Variants in TENT2 observed in about 807,000 individuals in gnomAD.
TENT2 encodes poly(A) RNA polymerase GLD2.
A neutral mutation model predicts 72.2 loss-of-function variants in TENT2; 44 were observed. That is an observed-to-expected ratio of 0.61 (90% confidence interval 0.48 to 0.78). TENT2 has a LOEUF of 0.78. TENT2 is among the 30% of genes least tolerant of loss of function. TENT2 has a pLI of 0.00. For synonymous variants in TENT2, 212 were observed against 192.5 expected, an observed-to-expected ratio of 1.10 and a Z score of -0.84; for missense variants, 541 against 569.6, an observed-to-expected ratio of 0.95 and a Z score of 0.51.
intron 11 of TENT2, among the ~76,000 whole-genome samples, chr5:79,657,807 A>C (rs1185181537): frequency 6.6e-6 from 1 of 152,162 alleles, no homozygotes; most frequent in African/African-American, 2.4e-5. Flanking sequence ...GAAACCACGT[A>C]ATTTTTACAT....
chr5:79,643,799 A>AT (rs891449916), intron 7 of TENT2, among the ~76,000 whole-genome samples: 10 of 151,544 alleles, frequency 6.6e-5, no homozygotes, highest in East Asian at 1.9e-4. Flanking sequence ...ATTCACATGA[A>AT]TTTTTTTTTC....
In TENT2 at chr5:79,659,531, C is replaced by CAAAA. The variant is rs1291285987; in HGVS notation, c.1071+2550_1071+2553dup. ...TCGGCGACAGAGCGAGACTCTGTCT[C>CAAAA]AAAAAAAAAAAAAAAAAAAAAAATG... On this transcript the variant is annotated intron_variant, in intron 11 of 14. Coordinates refer to ENST00000453514, the MANE Select transcript of TENT2 (RefSeq NM_001114394.3). 2.1e-3 allele frequency among the ~76,000 whole-genome samples: 19 copies of CAAAA among 8,970 alleles called. 2 individuals are homozygous for CAAAA. The highest frequency in any genetic ancestry group is 7.5e-3 in the African/African-American group (18 of 2,396). 5.9% of individuals were successfully genotyped at this position (8,970 alleles called of 152,430 possible). A position where few individuals can be genotyped will look rare whatever the true frequency, so the allele number is the denominator to read the frequency against.
chr5:79,649,088 CTGG>C lies in TENT2; in HGVS notation c.928_930del (p.Val310del). 1 of 1,613,178 alleles carries C rather than the reference CTGG, an allele frequency of 6.2e-7. No homozygotes were observed. Among genetic ancestry groups the C allele is most frequent in the Non-Finnish European group, 8.5e-7 (1 of 1,179,454 alleles). ...TGAAAATCGAGTTCGTCCGTTAGTG[CTGG>C]TGATTAAGAAGTGGGCAAGTCACCA... On this transcript the variant is annotated inframe_deletion, in exon 10 of 15. Transcript: ENST00000453514.
intron 11 of TENT2, among the ~76,000 whole-genome samples, chr5:79,660,254 C>G (rs1801754578): frequency 6.6e-6 from 1 of 151,986 alleles, no homozygotes; most frequent in Non-Finnish European, 1.5e-5. Flanking sequence ...TTACTAAATT[C>G]TTATTGACTT....
At chr5:79,668,170 G>A (rs1211514684) in intron 11 of TENT2, among the ~76,000 whole-genome samples, 1 of 152,028 alleles carries the variant, frequency 6.6e-6, no homozygotes, top group African/African-American at 2.4e-5. Flanking sequence ...AACAGAATAA[G>A]TACCCGTTAG....
At chr5:79,613,578 A>T (rs530153543) in intron 1 of TENT2, among the ~76,000 whole-genome samples, 30 of 152,348 alleles carry the variant, frequency 2.0e-4, no homozygotes, top group African/African-American at 6.7e-4. Flanking sequence ...ATTTATACTG[A>T]TTAATAGCCA....
chr5:79,634,853 ATTTT>A (rs1234067221), intron 4 of TENT2, among the ~76,000 whole-genome samples: 1 of 142,986 alleles, frequency 7.0e-6, no homozygotes, highest in African/African-American at 2.6e-5. Flanking sequence ...TGTTGGAGGG[ATTTT>A]TTTTTTTTTG....
At position 79,631,260 on chromosome 5, in the gene TENT2, G is replaced by C. The variant is rs571493491; in HGVS notation, c.465+7771G>C. Among the ~76,000 whole-genome samples, 31 of 152,290 alleles carry C rather than the reference G, an allele frequency of 2.0e-4. 2 individuals carry two copies. The South Asian group carries it at 6.4e-3, about 32-fold the overall frequency. ...AACCATTGGGTTCGATTGAGAAGAAGGTTTTGAGGATTACACTCAAGTTTC... is the reference window on the plus strand; with the variant it reads ...AACCATTGGGTTCGATTGAGAAGAACGTTTTGAGGATTACACTCAAGTTTC... On this transcript the variant is annotated intron_variant, in intron 4 of 14. Transcript: ENST00000453514.
Position 79,612,600 on chromosome 5 carries a change from G to C in TENT2, c.-513G>C, listed in dbSNP as rs771683225. On this transcript the variant is annotated 5_prime_UTR_variant, in exon 1 of 15. Transcript: ENST00000453514. ...GTTGCTCCTCCCCTGGCAGCCGTGA[G>C]GGGGGTTAGATCTCAGCCGGAGCCG... 6.5e-6 allele frequency: 1 copy of C among 153,338 alleles called. No homozygotes were observed. The highest frequency in any genetic ancestry group is 1.5e-5 in the Non-Finnish European group (1 of 68,696). The allele number at this position is 153,338 out of a possible 1,614,324, so 9.5% of individuals were successfully genotyped here.
At chr5:79,623,198 TTTG>T in intron 3 of TENT2, 51 bp from the exon 4 acceptor site, 1 of 1,303,718 alleles carries the variant, frequency 7.7e-7, no homozygotes, top group Non-Finnish European at 1.1e-6. Context: ...TTGCTTTTTA[TTTG>T]TTATCAGAAA....
intron 10 of TENT2, among the ~76,000 whole-genome samples, chr5:79,653,708 G>A (rs1795862354): frequency 6.6e-6 from 1 of 152,120 alleles, no homozygotes; most frequent in African/African-American, 2.4e-5. Context: ...GCAAATTTAA[G>A]CTACTCCTCC....
intron 4 of TENT2, among the ~76,000 whole-genome samples, chr5:79,637,958 C>T (rs574919689): frequency 1.3e-3 from 201 of 152,052 alleles, no homozygotes; most frequent in Non-Finnish European, 2.4e-3. Context: ...CCACTGTTCC[C>T]GGCTAATTTT....
intron 4 of TENT2, among the ~76,000 whole-genome samples, chr5:79,638,706 A>G (rs989285128): frequency 6.6e-6 from 1 of 152,074 alleles, no homozygotes; most frequent in Admixed American, 6.5e-5. Flanking sequence ...TACCATGTGA[A>G]TCTTGCTGCT....
chr5:79,648,374 T>C (rs1790867548), intron 8 of TENT2, among the ~76,000 whole-genome samples: 1 of 152,220 alleles, frequency 6.6e-6, no homozygotes. Context: ...AGTATGTTAC[T>C]GATCTTTCCA....
chr5:79,650,337 C>T (rs569337739), intron 10 of TENT2, among the ~76,000 whole-genome samples: 1 of 152,068 alleles, frequency 6.6e-6, no homozygotes, highest in East Asian at 1.9e-4. Flanking sequence ...ACATTTTTGA[C>T]TTGTAAAATG....
intron 12 of TENT2, among the ~76,000 whole-genome samples, chr5:79,673,704 T>C (rs1405046031): frequency 6.6e-6 from 1 of 152,180 alleles, no homozygotes; most frequent in African/African-American, 2.4e-5. Flanking sequence ...TTACTGAATT[T>C]GTTTATCATT....
intron 4 of TENT2, among the ~76,000 whole-genome samples, chr5:79,634,154 CAAA>C (rs542035431): frequency 5.1e-5 from 3 of 59,142 alleles, no homozygotes; most frequent in Admixed American, 1.9e-4. Context: ...GACTCCGTCT[CAAA>C]AAAAAAAAAA....
chr5:79,645,213 C>CT (rs763292698), intron 8 of TENT2, 21 bp downstream of exon 8: 15 of 1,581,076 alleles, frequency 9.5e-6, no homozygotes, highest in East Asian at 6.9e-5. Flanking sequence ...AATGAGCTTT[C>CT]TTTTTTTAGT....
At chr5:79,648,525 T>C in intron 8 of TENT2, 92 bp from the exon 9 acceptor site, 1 of 834,914 alleles carries the variant, frequency 1.2e-6, no homozygotes, top group Non-Finnish European at 1.9e-6. Flanking sequence ...TTTTGCATCA[T>C]GGGATGGATG....
Sources: allele counts gnomAD v4.1 joint callset (sites outside exome capture counted in the v4.1 genomes callset), GRCh38; gene constraint gnomAD v4.1.1; transcripts MANE v1.5; gene names NCBI Gene and HGNC (gene_info 2026-07-23, HGNC 2026-07-21).